Variants in HMGCLL1 observed in about 807,000 individuals in gnomAD.
HMGCLL1 encodes the protein 3-hydroxymethyl-3-methylglutaryl-CoA lyase, cytoplasmic.
Under a neutral mutation model 39.1 loss-of-function variants are expected in HMGCLL1, and 36 were observed. The ratio of observed to expected loss-of-function variants is 0.92; its 90% CI spans 0.71 to 1.22. The LOEUF (loss-of-function observed/expected upper bound fraction) is 1.22, where lower values mean the gene tolerates loss of function less well. Among genes scored for constraint, HMGCLL1 ranks in the 50% most tolerant of loss-of-function variants. The probability of loss-of-function intolerance (pLI) is 0.00; values close to 1 mark genes in which losing one functional copy is unlikely to be tolerated. For missense variants in HMGCLL1, 451 were observed against 416.5 expected, an observed-to-expected ratio of 1.08 and a Z score of -0.72; for synonymous variants, 149 against 144.0, an observed-to-expected ratio of 1.03 and a Z score of -0.25.
At chr6:55,545,226 A>AAAG (rs57498511) in intron 1 of HMGCLL1, among the ~76,000 whole-genome samples, 46,948 of 142,714 alleles carry the variant, frequency 0.33, 8,221 homozygotes, top group African/African-American at 0.4. Flanking sequence ...AAAAAAAAAA[A>AAAG]AAGAAGAAAA....
Position 55,540,760 on chromosome 6 carries a change from C to T in HMGCLL1, c.297+969G>A, listed in dbSNP as rs560963589. 2.6e-5 allele frequency among the ~76,000 whole-genome samples: 4 copies of T among 152,188 alleles called. No homozygotes were observed. The South Asian group carries it at 8.3e-4, about 32-fold the overall frequency. ...GTGGACAATGAGTTTGATTTTAACC[C>T]AGTGAGATTGAGGTGGAGATGGTAC... On this transcript the variant is annotated intron_variant, in intron 3 of 8. Coordinates refer to ENST00000274901, the MANE Select transcript of HMGCLL1 (RefSeq NM_001042406.2).
At chr6:55,476,210 A>ATC (rs1765278039) in intron 7 of HMGCLL1, among the ~76,000 whole-genome samples, 1 of 151,576 alleles carries the variant, frequency 6.6e-6, no homozygotes, top group Admixed American at 6.6e-5. Flanking sequence ...CCTGAAACTT[A>ATC]TCTCTCTGTT....
chr6:55,494,824 C>T (rs930205097), intron 7 of HMGCLL1, among the ~76,000 whole-genome samples: 3 of 152,144 alleles, frequency 2.0e-5, no homozygotes, highest in African/African-American at 7.2e-5. Flanking sequence ...CAAATGAATA[C>T]ATTTAAAATA....
chr6:55,604,816 C>T, the HMGCLL1 span, among the ~76,000 whole-genome samples: 6 of 152,084 alleles, frequency 3.9e-5, no homozygotes, highest in African/African-American at 1.4e-4. Context: ...TCATAATCCC[C>T]AACATTCACA....
chr6:55,672,001 G>A, the HMGCLL1 span, among the ~76,000 whole-genome samples: 7 of 151,712 alleles, frequency 4.6e-5, no homozygotes, highest in African/African-American at 7.2e-5. Context: ...CTCCTGATTA[G>A]CCCAGAAGGG....
the HMGCLL1 span, among the ~76,000 whole-genome samples, chr6:55,646,978 T>C: frequency 6.6e-6 from 1 of 152,006 alleles, no homozygotes; most frequent in Non-Finnish European, 1.5e-5. Context: ...ATGCTGAAAG[T>C]AGGGTGCTGC....
At chr6:55,437,402 C>A (rs1763414482) in intron 8 of HMGCLL1, among the ~76,000 whole-genome samples, 1 of 151,518 alleles carries the variant, frequency 6.6e-6, no homozygotes. Context: ...AGATATGAGG[C>A]CATCAACCCA....
At chr6:55,563,909 A>C (rs893724725) in intron 1 of HMGCLL1, 5 of 1,287,130 alleles carry the variant, frequency 3.9e-6, no homozygotes, top group Middle Eastern at 2.2e-4. Flanking sequence ...TCACAGACTG[A>C]AGCTCCTTTG....
intron 1 of HMGCLL1, among the ~76,000 whole-genome samples, chr6:55,572,118 A>T (rs1771527271): frequency 6.6e-6 from 1 of 152,168 alleles, no homozygotes. Context: ...TACAGTCAAG[A>T]GCATAAACAA....
the HMGCLL1 span, among the ~76,000 whole-genome samples, chr6:55,613,932 G>A: frequency 6.6e-6 from 1 of 151,924 alleles, no homozygotes; most frequent in Non-Finnish European, 1.5e-5. Context: ...AGAACTTAAA[G>A]TAAAATAAAA....
At chr6:55,631,540 G>T in the HMGCLL1 span, among the ~76,000 whole-genome samples, 1 of 152,156 alleles carries the variant, frequency 6.6e-6, no homozygotes, top group South Asian at 2.1e-4. Flanking sequence ...AAAAGACAGT[G>T]CCCTGCTTTG....
chr6:55,618,019 T>C, the HMGCLL1 span, among the ~76,000 whole-genome samples: 4 of 152,136 alleles, frequency 2.6e-5, no homozygotes, highest in Admixed American at 2.6e-4. Context: ...TTCGAAATAA[T>C]GCATGTAGTA....
chr6:55,499,598 G>T (rs6912137), intron 5 of HMGCLL1, among the ~76,000 whole-genome samples: 102,558 of 151,790 alleles, frequency 0.68, 34,658 homozygotes, highest in Non-Finnish European at 0.7. Flanking sequence ...ATTCAAAGCA[G>T]AAAATACCAG....
At chr6:55,470,353 A>C (rs1764992896) in intron 7 of HMGCLL1, among the ~76,000 whole-genome samples, 1 of 151,716 alleles carries the variant, frequency 6.6e-6, no homozygotes, top group Non-Finnish European at 1.5e-5. Flanking sequence ...CTGGTGATTT[A>C]CTCTGTTGGT....
the HMGCLL1 span, among the ~76,000 whole-genome samples, chr6:55,669,325 G>A: frequency 3.6e-3 from 543 of 151,806 alleles, 2 homozygotes; most frequent in African/African-American, 0.012. Context: ...ACTGACTTTG[G>A]AAACAGCTTA....
At chr6:55,633,750 G>A in the HMGCLL1 span, among the ~76,000 whole-genome samples, 1 of 151,984 alleles carries the variant, frequency 6.6e-6, no homozygotes, top group Non-Finnish European at 1.5e-5. Flanking sequence ...TCATCAGGAA[G>A]CTCTGTAGTG....
chr6:55,591,463 G>A, the HMGCLL1 span, among the ~76,000 whole-genome samples: 10 of 151,786 alleles, frequency 6.6e-5, no homozygotes, highest in Middle Eastern at 3.2e-3. Context: ...TTCTCTTTTC[G>A]TAAATCATGC....
chr6:55,650,116 TATATATATATATATATATACACACAC>T, the HMGCLL1 span, among the ~76,000 whole-genome samples: 11 of 79,438 alleles, frequency 1.4e-4, 1 homozygote, highest in East Asian at 2.0e-3. Context: ...TATATATATA[TATATATATATATATATATACACACAC>T]ACACACATAT....
the HMGCLL1 span, among the ~76,000 whole-genome samples, chr6:55,624,637 A>G: frequency 6.6e-6 from 1 of 152,190 alleles, no homozygotes; most frequent in Non-Finnish European, 1.5e-5. Context: ...GAAGTAGCAA[A>G]CACACTGGAC....
Sources: allele counts gnomAD v4.1 joint callset (sites outside exome capture counted in the v4.1 genomes callset), GRCh38; gene constraint gnomAD v4.1.1; transcripts MANE v1.5; gene names NCBI Gene and HGNC (gene_info 2026-07-23, HGNC 2026-07-21).